SBF2: variants seen among roughly 807,000 people sequenced by gnomAD.
SBF2 encodes SET binding factor 2, also known as myotubularin-related protein 13.
SBF2 carries 112 observed loss-of-function variants against 225.2 expected under a neutral mutation model. That is an observed-to-expected ratio of 0.50 (90% CI 0.43 to 0.58). SBF2 has a LOEUF of 0.58. SBF2 is among the 20% of genes least tolerant of loss of function. The probability of loss-of-function intolerance (pLI) is 0.00; values close to 1 mark genes in which losing one functional copy is unlikely to be tolerated. For missense variants in SBF2, 1,996 were observed against 2,206.2 expected, an observed-to-expected ratio of 0.90 and a Z score of 1.91; for synonymous variants, 763 against 773.3, an observed-to-expected ratio of 0.99 and a Z score of 0.22.
intron 16 of SBF2, 200 bp downstream of exon 16, chr11:9,961,757 A>G (rs1866584072): frequency 2.0e-6 from 1 of 510,228 alleles, no homozygotes; most frequent in African/African-American, 1.9e-5. Context: ...TTTCAAAGAG[A>G]AAACAAAGAA....
At chr11:10,043,542 C>A (rs1271265239) in intron 2 of SBF2, among the ~76,000 whole-genome samples, 1 of 151,874 alleles carries the variant, frequency 6.6e-6, no homozygotes. Flanking sequence ...AGGCAGATAG[C>A]TGGAAAATCC....
At chr11:10,123,154 T>A (rs1436542024) in intron 2 of SBF2, among the ~76,000 whole-genome samples, 1 of 152,042 alleles carries the variant, frequency 6.6e-6, no homozygotes, top group Non-Finnish European at 1.5e-5. Flanking sequence ...AACATCAGGG[T>A]TAGAGTGTCA....
chr11:9,980,812 T>C (rs7121157), intron 13 of SBF2, among the ~76,000 whole-genome samples: 39,519 of 151,942 alleles, frequency 0.26, 5,220 homozygotes, highest in East Asian at 0.31. Flanking sequence ...GTGATCTGCC[T>C]GCCTCGGCCT....
chr11:10,300,473 G>A (rs1036822851), intron 1 of SBF2, among the ~76,000 whole-genome samples: 20 of 151,740 alleles, frequency 1.3e-4, no homozygotes, highest in African/African-American at 2.2e-4. Context: ...CAAGACCAGC[G>A]TGGGCAACAT....
At chr11:9,958,726 A>C in intron 16 of SBF2, 1 of 390,062 alleles carries the variant, frequency 2.6e-6, no homozygotes, top group Non-Finnish European at 5.2e-6. Context: ...TGACAGCTGG[A>C]GGTCTAGTTC....
In SBF2 at chr11:10,261,339, A is replaced by C. The variant is rs951442527; in HGVS notation, c.55+32676T>G. On this transcript the variant is annotated intron_variant, in intron 1 of 39. Transcript: ENST00000256190. ...CGTCTCAACTTACCGGGTAGTGGGGACTACAAGCACATGCCACCATACCCA... is the reference window on the plus strand; with the variant it reads ...CGTCTCAACTTACCGGGTAGTGGGGCCTACAAGCACATGCCACCATACCCA... Among the ~76,000 whole-genome samples the C allele has an allele frequency of 2.0e-5, 3 of 152,256 alleles. 1 individual carries two copies. The Middle Eastern group carries it at 0.01, about 518-fold the overall frequency.
At chr11:10,150,905 C>T (rs773869943) in intron 2 of SBF2, among the ~76,000 whole-genome samples, 6 of 151,848 alleles carry the variant, frequency 4.0e-5, no homozygotes, top group Non-Finnish European at 5.9e-5. Context: ...TAAGGATAAA[C>T]GTAGAACTGG....
intron 16 of SBF2, among the ~76,000 whole-genome samples, chr11:9,931,938 G>A (rs907734687): frequency 6.6e-6 from 1 of 152,178 alleles, no homozygotes. Flanking sequence ...AACCTTAAAT[G>A]ACCTGATGGA....
intron 2 of SBF2, among the ~76,000 whole-genome samples, chr11:10,147,499 T>C (rs1954946120): frequency 6.6e-6 from 1 of 151,978 alleles, no homozygotes; most frequent in Non-Finnish European, 1.5e-5. Context: ...GTTCTCACTT[T>C]GAGGGAGCTA....
At position 9,856,552 on chromosome 11, in the gene SBF2, G is replaced by C. The variant is rs370321615; in HGVS notation, c.2269C>G (p.Leu757Val). ...TTACTTGTGTCGAGTGGAACTAGCA[G>C]GTTCACCATGAGGTTTGCAAAGTGA... ...AIHFANLMVN[L>V]LVPLDTSKNK... Residue 757 changes from leucine (L) to valine (V), a missense_variant, in exon 19 of 40, where the codon CTG (leucine) becomes GTG (valine). Coordinates refer to ENST00000256190, the MANE Select transcript of SBF2 (RefSeq NM_030962.4). 1 of 1,614,078 alleles carries C rather than the reference G, an allele frequency of 6.2e-7. No homozygotes were observed. The highest frequency in any genetic ancestry group is 8.5e-7 in the Non-Finnish European group (1 of 1,180,006).
chr11:10,182,735 T>C (rs768565083), intron 2 of SBF2, among the ~76,000 whole-genome samples: 1 of 151,184 alleles, frequency 6.6e-6, no homozygotes, highest in Non-Finnish European at 1.5e-5. Flanking sequence ...TCTATGTCTT[T>C]TTGTTGTTGT....
Position 10,294,137 on chromosome 11 carries a change from C to T in SBF2, c.-68G>A, listed in dbSNP as rs1172076753. The T allele has an allele frequency of 1.7e-6, 2 of 1,207,920 alleles. No individual in the cohort carries two copies. Among genetic ancestry groups the T allele is most frequent in the Non-Finnish European group, 2.1e-6 (2 of 944,624 alleles). The allele number at this position is 1,207,920 out of a possible 1,614,324, so 74.8% of individuals were successfully genotyped here. ...CCTCGCCGCCGCCGCCCACCCGGCC[C>T]GGGAGGGCTCAGCATTTTCCCTGCA... On this transcript the variant is annotated 5_prime_UTR_variant, in exon 1 of 40. Coordinates refer to ENST00000256190, the MANE Select transcript of SBF2 (RefSeq NM_030962.4).
intron 2 of SBF2, among the ~76,000 whole-genome samples, chr11:10,086,621 C>A (rs559787643): frequency 1.3e-5 from 2 of 152,260 alleles, no homozygotes; most frequent in Admixed American, 1.3e-4. Flanking sequence ...TGAATCTGGG[C>A]ACTTTTGTAT....
intron 1 of SBF2, among the ~76,000 whole-genome samples, chr11:10,257,887 G>C (rs977733149): frequency 6.6e-6 from 1 of 151,794 alleles, no homozygotes; most frequent in Non-Finnish European, 1.5e-5. Flanking sequence ...AGCCCAGGAG[G>C]CAGAGGTTGC....
At chr11:9,952,221 C>T (rs1865898032) in intron 16 of SBF2, among the ~76,000 whole-genome samples, 1 of 148,654 alleles carries the variant, frequency 6.7e-6, no homozygotes, top group Admixed American at 6.9e-5. Context: ...AGGCCAATGA[C>T]AGCCTCTCTC....
In SBF2 at chr11:9,785,493, A is replaced by C. The variant is rs1451768428; in HGVS notation, c.5038-175T>G. ...CGTGGTAAAAAACTGGAAACAACCT[A>C]CACGTCCATTATTAGGGACATTAAA... On this transcript the variant is annotated intron_variant, in intron 36 of 39. Transcript: ENST00000256190. 5 of 636,140 alleles carry C rather than the reference A, an allele frequency of 7.9e-6. No individual in the cohort carries two copies. The Admixed American group carries it at 1.3e-4, about 17-fold the overall frequency. 39.4% of individuals were successfully genotyped at this position (636,140 alleles called of 1,614,324 possible).
chr11:9,871,682 G>C (rs11042521), intron 17 of SBF2, among the ~76,000 whole-genome samples: 26,418 of 151,708 alleles, frequency 0.17, 2,963 homozygotes, highest in Non-Finnish European at 0.25. Flanking sequence ...TAGTTGAGAC[G>C]GGGTTTCACC....
At chr11:10,225,845 G>C (rs1958517492) in intron 1 of SBF2, among the ~76,000 whole-genome samples, 1 of 152,074 alleles carries the variant, frequency 6.6e-6, no homozygotes, top group African/African-American at 2.4e-5. Context: ...CAGCTGATGA[G>C]ATCTTTTTTA....
At chr11:10,010,302 A>AT (rs1282421889) in intron 6 of SBF2, among the ~76,000 whole-genome samples, 1 of 152,216 alleles carries the variant, frequency 6.6e-6, no homozygotes, top group Non-Finnish European at 1.5e-5. Flanking sequence ...TGTTTTAGAC[A>AT]TGAAGTCTTT....
Sources: allele counts gnomAD v4.1 joint callset (sites outside exome capture counted in the v4.1 genomes callset), GRCh38; gene constraint gnomAD v4.1.1; transcripts MANE v1.5; gene names NCBI Gene and HGNC (gene_info 2026-07-23, HGNC 2026-07-21).